IFT122: variants seen among roughly 807,000 people sequenced by gnomAD.
IFT122 encodes the protein intraflagellar transport 122.
IFT122 carries 118 observed loss-of-function variants against 161.6 expected under a neutral mutation model. The observed-to-expected ratio is 0.73, with a 90% CI of 0.63 to 0.85. The LOEUF (loss-of-function observed/expected upper bound fraction) is 0.85. IFT122 is among the 40% of genes least tolerant of loss of function. The pLI is 0.00. For missense variants in IFT122, 1,381 were observed against 1,579.6 expected (o/e 0.87, Z 2.13); for synonymous variants, 550 against 602.4 (o/e 0.91, Z 1.27).
At chr3:129,488,743 G>A (rs560115247) in intron 16 of IFT122, among the ~76,000 whole-genome samples, 18 of 152,110 alleles carry the variant, frequency 1.2e-4, no homozygotes, top group African/African-American at 3.1e-4. Flanking sequence ...CTAGTAGCCT[G>A]GCACATCACA....
chr3:129,520,339 T>G lies in IFT122; in HGVS notation c.*74T>G. 5 of 1,155,198 alleles carry G rather than the reference T, an allele frequency of 4.3e-6. No homozygotes were observed. The highest frequency in any genetic ancestry group is 6.3e-6 in the Non-Finnish European group (5 of 793,450). 71.6% of individuals were successfully genotyped at this position (1,155,198 alleles called of 1,614,324 possible). The stretch of plus-strand genomic sequence containing the variant: ...TGGGCTGTGAAGGAGAATAAAGAGT[T>G]AAACTGTCAGAATGTGTTTCTTGCC... On this transcript the variant is annotated 3_prime_UTR_variant, in exon 30 of 30. Transcript: ENST00000348417.
chr3:129,488,762 G>A lies in IFT122; in HGVS notation c.1992+365G>A, dbSNP rs546595605. ...TAGCCTGGCACATCACAGGCACTCCGTAAATGGCGGCTTTTATTATCGGTG... is the reference window on the plus strand; with the variant it reads ...TAGCCTGGCACATCACAGGCACTCCATAAATGGCGGCTTTTATTATCGGTG... On this transcript the variant is annotated intron_variant, in intron 16 of 29. Transcript: ENST00000348417. Among the ~76,000 whole-genome samples, 181 of 152,080 alleles carry A rather than the reference G, an allele frequency of 1.2e-3. 2 individuals carry two copies. The highest frequency in any genetic ancestry group is 4.1e-3 in the African/African-American group (171 of 41,496).
intron 16 of IFT122, among the ~76,000 whole-genome samples, chr3:129,489,838 TAA>T (rs1220023680): frequency 3.0e-4 from 35 of 117,046 alleles, no homozygotes; most frequent in Admixed American, 4.5e-4. Flanking sequence ...GACTCTGACT[TAA>T]AAAAAAAAAA....
rs1389937511 is a variant in IFT122, at chr3:129,514,398, C to T, written c.2997C>T (p.Leu999=). The change falls in exon 25 of 30, where the codon CTC becomes CTT. Residue 999 remains leucine (L), a synonymous_variant. Transcript: ENST00000348417. The part of the protein sequence containing the change: ...TPSGISKVKI[L]FTLAKQSKAL... ...ACCCTGTTCACGGCAGGAAAATACT[C>T]TTCACCTTGGCCAAGCAGAGCAAGG... 2.5e-6 allele frequency: 4 copies of T among 1,614,156 alleles called. No homozygotes were observed. The highest frequency in any genetic ancestry group is 3.4e-6 in the Non-Finnish European group (4 of 1,179,998).
At position 129,488,333 on chromosome 3, in the gene IFT122, A is replaced by T. The variant is rs1194248698; in HGVS notation, c.1928A>T (p.Asp643Val). 4.3e-6 allele frequency: 7 copies of T among 1,613,924 alleles called. No homozygotes were observed. The highest frequency in any genetic ancestry group is 5.9e-6 in the Non-Finnish European group (7 of 1,179,756). Residue 643 changes from aspartate to valine, a missense_variant, in exon 16 of 30, where the codon GAC becomes GTC. By Grantham distance (152) the Asp-to-Val change is radical (BLOSUM62 -3). Transcript: ENST00000348417. The stretch of plus-strand genomic sequence containing the variant: ...CAGATTGCTTGCTTGGGTGTCACAG[A>T]CACTGATTGGCGTGAACTGGCCATG... The part of the protein sequence containing the change: ...AYQIACLGVT[D>V]TDWRELAMEA...
At chr3:129,471,016 A>G (rs537990496) in intron 9 of IFT122, among the ~76,000 whole-genome samples, 3 of 152,358 alleles carry the variant, frequency 2.0e-5, no homozygotes. Flanking sequence ...TGGAGGGTGG[A>G]TTAAAATATA....
chr3:129,464,541 AC>A, intron 6 of IFT122, 93 bp from the exon 7 acceptor site: 1 of 1,467,470 alleles, frequency 6.8e-7, no homozygotes, highest in Middle Eastern at 2.1e-4. Flanking sequence ...GCCTCATCAG[AC>A]TTTTATTTCA....
intron 12 of IFT122, among the ~76,000 whole-genome samples, 157 bp from the exon 13 acceptor site, chr3:129,479,628 G>T (rs963484673): frequency 1.7e-4 from 26 of 152,154 alleles, no homozygotes; most frequent in Non-Finnish European, 7.3e-5. Flanking sequence ...TGGAGTCTTG[G>T]ATTAACGATG....
In IFT122 at chr3:129,507,662, C is replaced by T. The variant is rs890792619; in HGVS notation, c.2792-6C>T. 2.5e-6 allele frequency: 4 copies of T among 1,613,338 alleles called. No individual in the cohort carries two copies. The highest frequency in any genetic ancestry group is 2.5e-6 in the Non-Finnish European group (3 of 1,179,370). On this transcript the variant is annotated splice_polypyrimidine_tract_variant and splice_region_variant and intron_variant, in intron 22 of 29. Coordinates refer to ENST00000348417, the MANE Select transcript of IFT122 (RefSeq NM_052989.3). ...CGTTTCCCCTCCCACCCGCTGCACACAGCAGATCCTGCCCAGAAGGACACA... is the reference window on the plus strand; with the variant it reads ...CGTTTCCCCTCCCACCCGCTGCACATAGCAGATCCTGCCCAGAAGGACACA...
chr3:129,478,262 T>C (rs761139009), intron 12 of IFT122, 44 bp downstream of exon 12: 72 of 1,560,974 alleles, frequency 4.6e-5, no homozygotes, highest in Non-Finnish European at 5.6e-5. Context: ...ATTCCATTTG[T>C]GCTCCCCCCC....
At chr3:129,509,121 C>A (rs761209129) in intron 23 of IFT122, among the ~76,000 whole-genome samples, 1 of 152,146 alleles carries the variant, frequency 6.6e-6, no homozygotes, top group Non-Finnish European at 1.5e-5. Flanking sequence ...ATGTAAAGTC[C>A]ACTTTTTGTC....
intron 15 of IFT122, among the ~76,000 whole-genome samples, chr3:129,486,050 G>C (rs761640354): frequency 1.3e-5 from 2 of 152,262 alleles, no homozygotes; most frequent in African/African-American, 2.4e-5. Context: ...TCTCAAGGCG[G>C]TGGTGACTTC....
chr3:129,506,527 G>A lies in IFT122; in HGVS notation c.2769G>A (p.Met923Ile). The change falls in exon 22 of 30, where the codon ATG becomes ATA. Residue 923 changes from methionine (M) to isoleucine (I), a missense_variant. Met to Ile is a conservative substitution (Grantham distance 10, BLOSUM62 1). Transcript: ENST00000348417. ...DAAYYYWMLSMQCLDIAQDPA... is the reference protein window; with the variant it reads ...DAAYYYWMLSIQCLDIAQDPA... ...CCTATTATTACTGGATGCTGTCCAT[G>A]CAGTGCCTCGATATAGCTCAAGGTG... The A allele has an allele frequency of 6.2e-7, 1 of 1,614,230 alleles. No homozygotes were observed. The highest frequency in any genetic ancestry group is 8.5e-7 in the Non-Finnish European group (1 of 1,180,042).
intron 2 of IFT122, 60 bp downstream of exon 2, chr3:129,449,997 T>A: frequency 9.7e-7 from 1 of 1,027,988 alleles, no homozygotes; most frequent in Non-Finnish European, 1.5e-6. Context: ...TTGTGAGTAC[T>A]CTGAAATTTG....
intron 11 of IFT122, 90 bp from the exon 12 acceptor site, chr3:129,477,926 A>C: frequency 6.6e-5 from 64 of 974,278 alleles, no homozygotes; most frequent in Non-Finnish European, 9.0e-5. Flanking sequence ...AATTGCCAGT[A>C]GCGCTAAGTA....
chr3:129,494,685 AGT>A (rs10579071), intron 17 of IFT122, among the ~76,000 whole-genome samples: 64,069 of 150,310 alleles, frequency 0.43, 13,660 homozygotes, highest in Middle Eastern at 0.56. Flanking sequence ...AGCTGTGCTA[AGT>A]GTGTGTGTGT....
intron 1 of IFT122, among the ~76,000 whole-genome samples, chr3:129,442,349 C>T (rs2073317707): frequency 6.6e-6 from 1 of 151,998 alleles, no homozygotes; most frequent in Non-Finnish European, 1.5e-5. Context: ...GTTGTTGTTA[C>T]TATGGATAGT....
chr3:129,482,953 G>C (rs529215206), intron 14 of IFT122, among the ~76,000 whole-genome samples: 1 of 152,246 alleles, frequency 6.6e-6, no homozygotes, highest in East Asian at 1.9e-4. Context: ...TCTGAGCCTA[G>C]AATCATACAA....
intron 5 of IFT122, among the ~76,000 whole-genome samples, chr3:129,462,623 C>G: frequency 6.6e-6 from 1 of 152,310 alleles, no homozygotes; most frequent in South Asian, 2.1e-4. Flanking sequence ...CATGTGCACA[C>G]GTCAAAATGT....
Sources: gnomAD v4.1 joint callset for allele counts (sites outside exome capture counted in the v4.1 genomes callset) on GRCh38, gnomAD v4.1.1 for gene constraint, MANE v1.5 for transcripts, NCBI Gene and HGNC (gene_info 2026-07-23, HGNC 2026-07-21) for gene names.